TENM3: variants seen among roughly 807,000 people sequenced by gnomAD.
TENM3 encodes teneurin-3.
Under a neutral mutation model 255.1 loss-of-function variants are expected in TENM3, and 63 were observed. The observed-to-expected ratio is 0.25, with a 90% confidence interval of 0.20 to 0.30. The LOEUF (loss-of-function observed/expected upper bound fraction) is 0.30. Ranked by LOEUF, TENM3 falls within the 10% of genes least tolerant of loss-of-function variation. The probability of loss-of-function intolerance (pLI) is 1.00; values close to 1 mark genes in which losing one functional copy is unlikely to be tolerated. For missense variants in TENM3, 2,929 were observed against 3,461.1 expected, an observed-to-expected ratio of 0.85 and a Z score of 3.86; for synonymous variants, 1,306 against 1,322.3, an observed-to-expected ratio of 0.99 and a Z score of 0.27.
At position 182,788,688 on chromosome 4, in the gene TENM3, C is replaced by T. The variant is rs115124433; in HGVS notation, c.5305-405C>T. On this transcript the variant is annotated intron_variant, in intron 24 of 27. Coordinates refer to ENST00000511685, the MANE Select transcript of TENM3 (RefSeq NM_001080477.4). Reference sequence around the variant, plus strand: ...TTCAAAGGGCCAGAGTCACATTAACCGCTGTGTTTTATTTAATGTAGCCAT... The same window carrying T: ...TTCAAAGGGCCAGAGTCACATTAACTGCTGTGTTTTATTTAATGTAGCCAT... Among the ~76,000 whole-genome samples the T allele has an allele frequency of 2.1e-3, 320 of 152,256 alleles. 1 individual carries two copies. The highest frequency in any genetic ancestry group is 7.3e-3 in the African/African-American group (305 of 41,544).
intron 1 of TENM3, among the ~76,000 whole-genome samples, chr4:182,152,899 A>G (rs1028328349): frequency 1.3e-5 from 2 of 151,874 alleles, no homozygotes; most frequent in African/African-American, 4.8e-5. Flanking sequence ...TCTTCCCGTA[A>G]AAATTTGAAG....
the TENM3 span, among the ~76,000 whole-genome samples, chr4:181,581,019 G>C: frequency 1.3e-5 from 2 of 152,124 alleles, no homozygotes; most frequent in African/African-American, 4.8e-5. Flanking sequence ...CATACAACCA[G>C]GGACAGATCA....
rs575022366 is a variant in TENM3, at chr4:182,284,679, T to C, written c.-75-39267T>C. Among the ~76,000 whole-genome samples the C allele has an allele frequency of 4.6e-5, 7 of 152,228 alleles. 1 individual carries two copies. The South Asian group carries it at 1.2e-3, about 27-fold the overall frequency. ...ATCATGCAGTCAGACTGGTGTCGCG[T>C]TGGAAAAGCCAGTAGTTGGGAAGGG... On this transcript the variant is annotated intron_variant, in intron 1 of 27. Coordinates refer to ENST00000511685, the MANE Select transcript of TENM3 (RefSeq NM_001080477.4).
chr4:182,178,949 T>C (rs1297247129), intron 1 of TENM3, among the ~76,000 whole-genome samples: 3 of 152,246 alleles, frequency 2.0e-5, no homozygotes, highest in Non-Finnish European at 4.4e-5. Flanking sequence ...TACCAGAGTG[T>C]ATATTTTAGA....
rs1373831981 is a variant in TENM3 at position 182,615,065 on chromosome 4, A to AT, written c.750-13585dup. ...AAAATACATATATATATATATATAT[A>AT]TGTATTTTTTTTTTCTTCTCCAAAT... On this transcript the variant is annotated intron_variant, in intron 4 of 27. Coordinates refer to ENST00000511685, the MANE Select transcript of TENM3 (RefSeq NM_001080477.4). 7.1e-3 allele frequency among the ~76,000 whole-genome samples: 846 copies of AT among 119,796 alleles called. 7 individuals are homozygous for AT. Among genetic ancestry groups the AT allele is most frequent in the South Asian group, 0.018 (64 of 3,602 alleles). The allele number at this position is 119,796 out of a possible 152,430, so 78.6% of individuals were successfully genotyped here.
intron 3 of TENM3, among the ~76,000 whole-genome samples, chr4:182,553,217 G>T (rs983951593): frequency 1.3e-5 from 2 of 152,072 alleles, no homozygotes; most frequent in Non-Finnish European, 2.9e-5. Context: ...GCCTCAGCCT[G>T]CAGAGTAGCT....
chr4:182,701,083 A>G (rs1165561238), intron 12 of TENM3, among the ~76,000 whole-genome samples: 4 of 152,088 alleles, frequency 2.6e-5, no homozygotes, highest in African/African-American at 9.7e-5. Flanking sequence ...ATATGTGTCC[A>G]CAGAAAGCAT....
the TENM3 span, among the ~76,000 whole-genome samples, chr4:181,848,450 G>A: frequency 6.6e-6 from 1 of 152,128 alleles, no homozygotes; most frequent in African/African-American, 2.4e-5. Flanking sequence ...TTTCATGCAT[G>A]ACCTCACTGC....
intron 1 of TENM3, among the ~76,000 whole-genome samples, chr4:182,294,726 G>A (rs192788551): frequency 2.6e-5 from 4 of 152,258 alleles, no homozygotes; most frequent in East Asian, 1.9e-4. Flanking sequence ...TACCAAGAAC[G>A]CCAAATGTTA....
chr4:181,867,313 C>T, the TENM3 span, among the ~76,000 whole-genome samples: 1 of 152,056 alleles, frequency 6.6e-6, no homozygotes, highest in Admixed American at 6.6e-5. Flanking sequence ...GTCATTTTGT[C>T]CCCCGGACTT....
At chr4:182,644,053 G>A (rs1044407504) in intron 5 of TENM3, among the ~76,000 whole-genome samples, 2 of 152,296 alleles carry the variant, frequency 1.3e-5, no homozygotes, top group Admixed American at 6.5e-5. Flanking sequence ...GCTACTCTGT[G>A]TTGCCAAAAC....
the TENM3 span, among the ~76,000 whole-genome samples, chr4:182,065,035 C>CTT: frequency 7.7e-6 from 1 of 130,008 alleles, no homozygotes. Context: ...TAATTTCTTT[C>CTT]TTTTTTTTTT....
the TENM3 span, among the ~76,000 whole-genome samples, chr4:181,849,363 T>C: frequency 6.6e-6 from 1 of 152,196 alleles, no homozygotes; most frequent in Non-Finnish European, 1.5e-5. Context: ...TGACTATAAC[T>C]AATAAACGTG....
chr4:181,870,933 A>C, the TENM3 span, among the ~76,000 whole-genome samples: 1 of 151,966 alleles, frequency 6.6e-6, no homozygotes. Context: ...GATTATCTTG[A>C]ATTAGTTTTT....
rs560259801 is a variant in TENM3, at chr4:182,341,426, C to A, written c.233-5225C>A. Among the ~76,000 whole-genome samples, 3 of 152,164 alleles carry A rather than the reference C, an allele frequency of 2.0e-5. No individual in the cohort carries two copies. The South Asian group carries it at 6.2e-4, about 32-fold the overall frequency. On this transcript the variant is annotated intron_variant, in intron 2 of 27. Transcript: ENST00000511685. ...CCTGTGGGTCCTTTTCCTTAATTTC[C>A]AAAAGTGGGATTATACTATATACAT... is the stretch of plus-strand genomic sequence containing the variant.
chr4:181,467,414 T>C, the TENM3 span, among the ~76,000 whole-genome samples: 5 of 151,450 alleles, frequency 3.3e-5, no homozygotes, highest in African/African-American at 7.3e-5. Flanking sequence ...GGATTACAGA[T>C]GTGAGCCACC....
intron 24 of TENM3, among the ~76,000 whole-genome samples, chr4:182,784,086 G>A (rs1426552602): frequency 8.5e-5 from 13 of 152,320 alleles, no homozygotes; most frequent in Admixed American, 1.3e-4. Flanking sequence ...GCTTTGTTCT[G>A]TTGCTGGTGA....
At chr4:182,549,566 G>A (rs527975045) in intron 3 of TENM3, among the ~76,000 whole-genome samples, 10 of 152,292 alleles carry the variant, frequency 6.6e-5, no homozygotes, top group African/African-American at 1.2e-4. Flanking sequence ...TCTGAGGACC[G>A]CAGAAGCAGT....
chr4:182,171,803 A>ATTAAAT (rs1752126874), intron 1 of TENM3, among the ~76,000 whole-genome samples: 1 of 152,226 alleles, frequency 6.6e-6, no homozygotes, highest in Non-Finnish European at 1.5e-5. Flanking sequence ...TTGATATCAC[A>ATTAAAT]AGACTATTAA....
Sources: gnomAD v4.1 joint callset for allele counts (sites outside exome capture counted in the v4.1 genomes callset) on GRCh38, gnomAD v4.1.1 for gene constraint, MANE v1.5 for transcripts, NCBI Gene and HGNC (gene_info 2026-07-23, HGNC 2026-07-21) for gene names.